The following SLC2A11 variants were observed in gnomAD, a reference collection of about 807,000 sequenced individuals.
SLC2A11 encodes the protein solute carrier family 2, facilitated glucose transporter member 11.
In SLC2A11, 43 loss-of-function variants were observed where a neutral mutation model predicts 52.1. The ratio of observed to expected loss-of-function variants is 0.82; its 90% CI spans 0.65 to 1.06. The LOEUF is 1.06. Ranked by LOEUF, SLC2A11 falls within the 50% of genes least tolerant of loss-of-function variation. SLC2A11 has a pLI of 0.00. For synonymous variants in SLC2A11, 261 were observed against 277.6 expected (o/e 0.94, Z 0.59); for missense variants, 582 against 654.2 (o/e 0.89, Z 1.20).
At chr22:23,864,883 G>A (rs1166238291) in intron 2 of SLC2A11, among the ~76,000 whole-genome samples, 2 of 151,836 alleles carry the variant, frequency 1.3e-5, no homozygotes, top group Non-Finnish European at 2.9e-5. Context: ...TGAGGCAGGC[G>A]GATCATTTGA....
In SLC2A11 at chr22:23,868,436, C is replaced by T. The variant is rs1260213291; in HGVS notation, c.130-45C>T. ...AGAAGGCTTGTTTCATCTAGCACCC[C>T]CACGCCACCATCCCCAGAAGGCTGA... On this transcript the variant is annotated intron_variant, in intron 2 of 11. Coordinates refer to ENST00000316185, the MANE Select transcript of SLC2A11 (RefSeq NM_001024939.4). 6 of 1,607,814 alleles carry T rather than the reference C, an allele frequency of 3.7e-6. No individual in the cohort carries two copies. The African/African-American group carries it at 4.0e-5, about 11-fold the overall frequency.
Position 23,868,506 on chromosome 22 carries a change from C to A in SLC2A11, c.155C>A (p.Thr52Lys), listed in dbSNP as rs2032341867. 6.2e-7 allele frequency: 1 copy of A among 1,614,084 alleles called. No homozygotes were observed. Among genetic ancestry groups the A allele is most frequent in the South Asian group, 1.1e-5 (1 of 91,092 alleles). The part of the protein sequence containing the change: ...TLHIQEFTNE[T>K]WQARTGEPLP... ...CACATTCAGGAATTCACCAATGAGA[C>A]ATGGCAGGCGCGTACTGGAGAGCCA... Residue 52 changes from threonine (T) to lysine (K), a missense_variant, in exon 3 of 12, where the codon ACA (threonine) becomes AAA (lysine). Physicochemically the swap from Thr to Lys is moderately conservative, Grantham distance 78. Coordinates refer to ENST00000316185, the MANE Select transcript of SLC2A11 (RefSeq NM_001024939.4).
At chr22:23,865,721 G>A (rs903976764) in intron 2 of SLC2A11, 1 of 152,266 alleles carries the variant, frequency 6.6e-6, no homozygotes, top group Non-Finnish European at 1.5e-5. Context: ...CATCATGGAG[G>A]ATGGCAGAGG....
upstream of SLC2A11, chr22:23,857,198 G>C: frequency 2.5e-6 from 2 of 784,662 alleles, no homozygotes; most frequent in South Asian, 3.4e-5. Flanking sequence ...CCGGCGCAGG[G>C]AATCGCGCAG....
intron 1 of SLC2A11, 68 bp from the exon 2 acceptor site, chr22:23,862,036 G>A: frequency 7.8e-7 from 1 of 1,277,224 alleles, no homozygotes. Context: ...GCTGTGATTG[G>A]CAGCTCTGGT....
In SLC2A11 at chr22:23,884,802, G is replaced by A. The variant is rs1232135058; in HGVS notation, c.1453G>A (p.Gly485Ser). The A allele has an allele frequency of 1.2e-6, 2 of 1,614,174 alleles. No homozygotes were observed. Among genetic ancestry groups the A allele is most frequent in the African/African-American group, 2.7e-5 (2 of 75,046 alleles). The stretch of plus-strand genomic sequence containing the variant: ...ACTCAACTTCCCCAGGCGGGCCCAG[G>A]GCCCCACGTGGAGGAGCCTGGAGGT... Reference protein sequence around the residue: ...HRLNFPRRAQGPTWRSLEVIQ... With the variant: ...HRLNFPRRAQSPTWRSLEVIQ... The change falls in exon 12 of 12, where the codon GGC (glycine) becomes AGC (serine). Residue 485 changes from glycine to serine, a missense_variant. Physicochemically the swap from Gly to Ser is moderately conservative, Grantham distance 56 (BLOSUM62 0). Transcript: ENST00000316185. This position sits in a 1 kb window ranked among gnomAD's most constrained non-coding sequence, Gnocchi z 4.3.
intron 6 of SLC2A11, among the ~76,000 whole-genome samples, chr22:23,880,258 C>CAAAAAAAAAA (rs60165299): frequency 2.4e-5 from 1 of 41,928 alleles, no homozygotes; most frequent in Non-Finnish European, 5.7e-5. Flanking sequence ...GACTCCATCT[C>CAAAAAAAAAA]AAAAAAAAAA....
chr22:23,863,152 GAC>G (rs1384415493), intron 2 of SLC2A11, among the ~76,000 whole-genome samples: 1 of 152,178 alleles, frequency 6.6e-6, no homozygotes, highest in East Asian at 1.9e-4. Context: ...AAATACCTAT[GAC>G]ACAGCCCTTC....
chr22:23,877,638 G>A (rs71318936), intron 5 of SLC2A11, 83 bp from the exon 6 acceptor site: 12 of 1,470,062 alleles, frequency 8.2e-6, no homozygotes, highest in Non-Finnish European at 1.1e-5. Context: ...TCCCTGCAGG[G>A]AGGTGTGTAG....
At chr22:23,868,218 T>C (rs2032331892) in intron 2 of SLC2A11, 1 of 523,674 alleles carries the variant, frequency 1.9e-6, no homozygotes, top group African/African-American at 1.9e-5. Context: ...AGAGAAATAG[T>C]GTTTTCGCAG....
intron 1 of SLC2A11, among the ~76,000 whole-genome samples, chr22:23,859,204 C>A (rs536951223): frequency 5.7e-4 from 87 of 152,302 alleles, no homozygotes; most frequent in African/African-American, 2.1e-3. Context: ...GTAATTTGGC[C>A]TCAATGGGAC....
rs368206511 is a variant in SLC2A11, at chr22:23,882,662, C to T, written c.882+16C>T. The stretch of plus-strand genomic sequence containing the variant: ...GAATGACTCGGTGAGACCCCTGCCC[C>T]GCCGCACACCCTGGGCCCCGGGGGC... On this transcript the variant is annotated intron_variant, in intron 7 of 11. Transcript: ENST00000316185. 9.7e-5 allele frequency: 156 copies of T among 1,608,342 alleles called. No homozygotes were observed. In the African/African-American group the frequency reaches 1.8e-3, roughly 19 times the overall value.
chr22:23,868,893 A>G (rs1329025983), intron 3 of SLC2A11: 4 of 477,808 alleles, frequency 8.4e-6, no homozygotes, highest in Non-Finnish European at 1.5e-5. Context: ...ACAAGTGCTA[A>G]CTGACCTTAA....
chr22:23,863,507 G>T (rs1435271736), intron 2 of SLC2A11, among the ~76,000 whole-genome samples: 1 of 151,714 alleles, frequency 6.6e-6, no homozygotes, highest in African/African-American at 2.4e-5. Context: ...AACTGGGAAT[G>T]ATGGGATGTG....
chr22:23,884,168 G>A lies in SLC2A11; in HGVS notation c.1172-134G>A. The stretch of plus-strand genomic sequence containing the variant: ...CATGCCGGGGCTTCTGGGAGGGAAT[G>A]GCAGGAGGAGAGCACTGAGGGGCCC... On this transcript the variant is annotated intron_variant, in intron 10 of 11. Transcript: ENST00000316185. This position sits in a 1 kb window ranked among gnomAD's most constrained non-coding sequence, Gnocchi z 4.3. 1 of 1,477,008 alleles carries A rather than the reference G, an allele frequency of 6.8e-7. No individual in the cohort carries two copies. Among genetic ancestry groups the A allele is most frequent in the African/African-American group, 1.4e-5 (1 of 70,830 alleles). 91.5% of individuals were successfully genotyped at this position (1,477,008 alleles called of 1,614,324 possible). A position where few individuals can be genotyped will look rare whatever the true frequency, so the allele number is the denominator to read the frequency against.
intron 1 of SLC2A11, among the ~76,000 whole-genome samples, chr22:23,860,596 TG>T (rs1340536695): frequency 6.6e-6 from 1 of 151,810 alleles, no homozygotes; most frequent in Non-Finnish European, 1.5e-5. Flanking sequence ...TAGCTGGGTG[TG>T]GTGGTGCATG....
At chr22:23,861,639 G>A (rs2032072220) in intron 1 of SLC2A11, among the ~76,000 whole-genome samples, 1 of 151,736 alleles carries the variant, frequency 6.6e-6, no homozygotes, top group Admixed American at 6.6e-5. Flanking sequence ...ACATGCTGGT[G>A]GGAGGTAAGA....
intron 4 of SLC2A11, 77 bp from the exon 5 acceptor site, chr22:23,876,965 C>T: frequency 6.2e-7 from 1 of 1,606,208 alleles, no homozygotes; most frequent in South Asian, 1.1e-5. Context: ...CTGAGTGGGG[C>T]AGGGGAGACA....
At chr22:23,867,638 G>C in intron 2 of SLC2A11, 1 of 468,952 alleles carries the variant, frequency 2.1e-6, no homozygotes, top group South Asian at 1.6e-5. Context: ...AAAAGACCAA[G>C]AGATTAGAGG....
Sources: gnomAD v4.1 joint callset for allele counts (sites outside exome capture counted in the v4.1 genomes callset) on GRCh38, gnomAD v4.1.1 for gene constraint, Gnocchi (gnomAD v3.1) non-coding constraint, MANE v1.5 for transcripts, NCBI Gene and HGNC (gene_info 2026-07-23, HGNC 2026-07-21) for gene names.